The following CLIC2 variants were observed in gnomAD, a reference collection of about 807,000 sequenced individuals.
The protein encoded by CLIC2 is chloride intracellular channel protein 2.
CLIC2 carries 9 observed loss-of-function variants against 14.8 expected under a neutral mutation model. The ratio of observed to expected loss-of-function variants is 0.61; its 90% CI spans 0.37 to 1.06. The LOEUF is 1.06. CLIC2 is among the 50% of genes least tolerant of loss of function. The probability of loss-of-function intolerance (pLI) is 0.01; values close to 1 mark genes in which losing one functional copy is unlikely to be tolerated. For missense variants in CLIC2, 148 were observed against 181.4 expected (o/e 0.82, Z 1.06); for synonymous variants, 61 against 66.3 (o/e 0.92, Z 0.39).
Position 155,292,631 on chromosome X carries a change from G to T in CLIC2, c.293+6154C>A, listed in dbSNP as rs1001223601. 6.7e-4 allele frequency: 159 copies of T among 237,075 alleles called. 2 individuals carry two copies. The highest frequency in any genetic ancestry group is 4.9e-3 in the African/African-American group (149 of 30,316). 19.5% of individuals were successfully genotyped at this position (237,075 alleles called of 1,213,427 possible). On this transcript the variant is annotated intron_variant, in intron 3 of 5. Transcript: ENST00000369449. ...TAAAAATACAAAAAATTAGCCGGGCGTGGTGGCGGGCGCCTGTAGTCCCAG... is the reference window on the plus strand; with the variant it reads ...TAAAAATACAAAAAATTAGCCGGGCTTGGTGGCGGGCGCCTGTAGTCCCAG...
intron 5 of CLIC2, 141 bp downstream of exon 5, chrX:155,279,008 A>G: frequency 1.9e-6 from 1 of 526,175 alleles, no homozygotes; most frequent in Non-Finnish European, 3.4e-6. Context: ...CTAAAGAGAA[A>G]AGAGATGTAT....
chrX:155,319,527 C>G (rs1411046805), intron 1 of CLIC2, among the ~76,000 whole-genome samples: 6 of 112,299 alleles, frequency 5.3e-5, no homozygotes, highest in African/African-American at 1.9e-4. Flanking sequence ...CACTCTGGCC[C>G]AGATACTATG....
intron 1 of CLIC2, 116 bp from the exon 2 acceptor site, chrX:155,299,261 T>A (rs1421945626): frequency 5.5e-6 from 3 of 549,224 alleles, no homozygotes; most frequent in African/African-American, 4.5e-5. Flanking sequence ...TAATCTCATG[T>A]ACTCCATCAT....
chrX:155,325,620 C>T (rs1430266697), intron 1 of CLIC2, among the ~76,000 whole-genome samples: 3 of 106,459 alleles, frequency 2.8e-5, no homozygotes, highest in Non-Finnish European at 5.8e-5. Flanking sequence ...GAGAGCATTA[C>T]CTAATGCATG....
At chrX:155,309,161 C>A (rs182195455) in intron 1 of CLIC2, among the ~76,000 whole-genome samples, 5 of 111,438 alleles carry the variant, frequency 4.5e-5, no homozygotes, top group African/African-American at 1.6e-4. Flanking sequence ...AAACAATTAT[C>A]CAGGCATGGT....
Position 155,310,000 on chromosome X carries a change from T to TGAACCA in CLIC2, c.58-10861_58-10856dup, listed in dbSNP as rs782619593. On this transcript the variant is annotated intron_variant, in intron 1 of 5. Transcript: ENST00000369449. ...AGACAATGCAAGTCCCTTCCATCTA[T>TGAACCA]GAACCAGTAAAATCAAAAGCAAGTT... 2.7e-5 allele frequency among the ~76,000 whole-genome samples: 3 copies of TGAACCA among 112,415 alleles called. No homozygotes were observed. The South Asian group carries it at 1.1e-3, about 41-fold the overall frequency.
chrX:155,301,585 A>C (rs1222597632), intron 1 of CLIC2, among the ~76,000 whole-genome samples: 1 of 80,954 alleles, frequency 1.2e-5, no homozygotes, highest in African/African-American at 4.2e-5. Context: ...TCTCCTGCCT[A>C]ATTGCCCTGG....
intron 3 of CLIC2, among the ~76,000 whole-genome samples, chrX:155,282,631 G>A (rs2074924253): frequency 9.0e-6 from 1 of 110,811 alleles, no homozygotes; most frequent in African/African-American, 3.3e-5. Context: ...TTCAGCACCA[G>A]ATCATACCTC....
At chrX:155,333,289 A>T (rs1460834372) in intron 1 of CLIC2, among the ~76,000 whole-genome samples, 1 of 111,463 alleles carries the variant, frequency 9.0e-6, no homozygotes, top group Non-Finnish European at 1.9e-5. Flanking sequence ...CTTAAACTTT[A>T]ATGCCTTAGT....
intron 1 of CLIC2, among the ~76,000 whole-genome samples, chrX:155,300,400 C>G (rs1557318908): frequency 9.0e-6 from 1 of 111,147 alleles, no homozygotes. Flanking sequence ...TGTTCATGTC[C>G]TTTGCCCACT....
At chrX:155,305,094 G>A (rs2075047008) in intron 1 of CLIC2, among the ~76,000 whole-genome samples, 2 of 112,506 alleles carry the variant, frequency 1.8e-5, no homozygotes, top group South Asian at 7.4e-4. Context: ...TCTTTGAGCT[G>A]TGGTGGGCTC....
chrX:155,296,650 A>G (rs782536412), intron 3 of CLIC2, among the ~76,000 whole-genome samples: 8 of 111,728 alleles, frequency 7.2e-5, no homozygotes, highest in Non-Finnish European at 5.7e-5. Context: ...CAACTCAACA[A>G]TAAAAAAAAT....
chrX:155,305,368 TC>T (rs2075050636), intron 1 of CLIC2, among the ~76,000 whole-genome samples: 1 of 112,387 alleles, frequency 8.9e-6, no homozygotes, highest in Non-Finnish European at 1.9e-5. Flanking sequence ...TTTCTTTGAC[TC>T]AGAAAGGGAA....
chrX:155,281,607 A>G (rs28407532), intron 3 of CLIC2, among the ~76,000 whole-genome samples: 155 of 110,784 alleles, frequency 1.4e-3, no homozygotes, highest in African/African-American at 5.0e-3. Flanking sequence ...CATTTGATCT[A>G]TTAGCAACTC....
At chrX:155,297,860 C>CAAAAAAA (rs200891873) in intron 3 of CLIC2, among the ~76,000 whole-genome samples, 1 of 5,121 alleles carries the variant, frequency 2.0e-4, no homozygotes, top group East Asian at 8.1e-3. Flanking sequence ...ACTCCGGTCT[C>CAAAAAAA]AAAAAAAAAA....
chrX:155,307,023 C>T (rs1043405445), intron 1 of CLIC2, among the ~76,000 whole-genome samples: 8 of 111,614 alleles, frequency 7.2e-5, no homozygotes, highest in Non-Finnish European at 1.3e-4. Flanking sequence ...GACCCTCTTT[C>T]TTCACTTACT....
At chrX:155,305,258 C>A (rs2075048906) in intron 1 of CLIC2, among the ~76,000 whole-genome samples, 1 of 112,257 alleles carries the variant, frequency 8.9e-6, no homozygotes, top group Non-Finnish European at 1.9e-5. Context: ...ACCCTCCGAG[C>A]CAGGTGCGGG....
chrX:155,323,869 G>C (rs1557322003), intron 1 of CLIC2, among the ~76,000 whole-genome samples: 1 of 111,975 alleles, frequency 8.9e-6, no homozygotes, highest in Non-Finnish European at 1.9e-5. Context: ...AAAATCACAA[G>C]CATTCCTATA....
chrX:155,329,102 G>T (rs895266618), intron 1 of CLIC2, among the ~76,000 whole-genome samples: 3 of 110,641 alleles, frequency 2.7e-5, no homozygotes, highest in African/African-American at 9.8e-5. Flanking sequence ...AAAAATGGAC[G>T]AATGGGATCA....
Sources: allele counts gnomAD v4.1 joint callset (sites outside exome capture counted in the v4.1 genomes callset), GRCh38; gene constraint gnomAD v4.1.1; transcripts MANE v1.5; gene names NCBI Gene and HGNC (gene_info 2026-07-23, HGNC 2026-07-21).